Variants in FMN2 observed in about 807,000 individuals in gnomAD.
FMN2 encodes the protein formin-2.
Under a neutral mutation model 142.3 loss-of-function variants are expected in FMN2, and 51 were observed. The ratio of observed to expected loss-of-function variants is 0.36; its 90% CI spans 0.29 to 0.45. The LOEUF is 0.45. FMN2 is among the 20% of genes least tolerant of loss of function. The pLI, the probability that FMN2 is intolerant of heterozygous loss-of-function variation, is 1.00. For missense variants in FMN2, 1,936 were observed against 2,122.8 expected (o/e 0.91, Z 1.73); for synonymous variants, 882 against 869.8 (o/e 1.01, Z -0.25).
chr1:240,123,516 A>AG (rs200276552), intron 2 of FMN2, among the ~76,000 whole-genome samples, 171 bp downstream of exon 2: 2,148 of 151,468 alleles, frequency 0.014, 61 homozygotes, highest in African/African-American at 0.049. Flanking sequence ...AAAAAAAAAA[A>AG]AAAAAAGAAA....
intron 2 of FMN2, chr1:240,143,801 G>T (rs1357692733): frequency 4.0e-6 from 6 of 1,517,628 alleles, no homozygotes; most frequent in Middle Eastern, 1.7e-4. Context: ...GGACCCCACT[G>T]CTATCATTCC....
intron 14 of FMN2, among the ~76,000 whole-genome samples, chr1:240,370,991 T>C (rs1672846866): frequency 6.6e-6 from 1 of 152,234 alleles, no homozygotes; most frequent in Admixed American, 6.5e-5. Context: ...CAGGCTGGAA[T>C]ACAGTGGCGG....
chr1:240,153,035 A>G (rs1344923524), intron 2 of FMN2, among the ~76,000 whole-genome samples: 1 of 152,204 alleles, frequency 6.6e-6, no homozygotes, highest in Non-Finnish European at 1.5e-5. Context: ...ATAAAATATC[A>G]GGCACTTATG....
intron 8 of FMN2, among the ~76,000 whole-genome samples, chr1:240,316,240 CA>C (rs1670776038): frequency 1.3e-5 from 2 of 151,988 alleles, no homozygotes; most frequent in East Asian, 3.9e-4. Flanking sequence ...GCTGAAAAGG[CA>C]ACAAGGACTT....
At chr1:240,120,234 C>A (rs954564222) in intron 1 of FMN2, among the ~76,000 whole-genome samples, 1 of 152,184 alleles carries the variant, frequency 6.6e-6, no homozygotes, top group Non-Finnish European at 1.5e-5. Context: ...AACATTTAGA[C>A]ATTTGAAATG....
intron 15 of FMN2, among the ~76,000 whole-genome samples, chr1:240,400,067 G>A (rs12562683): frequency 0.18 from 27,791 of 152,070 alleles, 3,836 homozygotes; most frequent in African/African-American, 0.39. Flanking sequence ...GAGGGCGTTC[G>A]CAGCTCCATG....
chr1:240,274,088 A>G (rs987036500), intron 7 of FMN2, among the ~76,000 whole-genome samples: 5 of 152,226 alleles, frequency 3.3e-5, no homozygotes, highest in Admixed American at 2.0e-4. Flanking sequence ...TTCACTCAAC[A>G]TTAACTGTTT....
At chr1:240,185,412 T>C (rs1007975946) in intron 3 of FMN2, among the ~76,000 whole-genome samples, 3 of 152,224 alleles carry the variant, frequency 2.0e-5, no homozygotes, top group African/African-American at 7.2e-5. Context: ...CAAATTTCTC[T>C]TCTGTGTTTT....
intron 15 of FMN2, among the ~76,000 whole-genome samples, chr1:240,419,454 G>C (rs977670069): frequency 1.3e-5 from 2 of 152,036 alleles, no homozygotes; most frequent in African/African-American, 4.8e-5. Flanking sequence ...AAACACCTGA[G>C]GGCATCAATC....
In FMN2 at chr1:240,469,237, C is replaced by A. The variant is rs552351436; in HGVS notation, c.5061-3135C>A. 2.0e-5 allele frequency among the ~76,000 whole-genome samples: 3 copies of A among 152,190 alleles called. No individual in the cohort carries two copies. In the East Asian group the frequency reaches 5.8e-4, roughly 29 times the overall value. ...CACCAGATTCTGCCAGATGCTACTT[C>A]TGAAAGCATCCTAGAGTGACTAAAT... On this transcript the variant is annotated intron_variant, in intron 16 of 17. Transcript: ENST00000319653.
chr1:240,143,094 C>A, intron 2 of FMN2: 1 of 1,530,432 alleles, frequency 6.5e-7, no homozygotes. Context: ...ATGTGTCAGG[C>A]CCTGTGCCAA....
At position 240,232,958 on chromosome 1, in the gene FMN2, C is replaced by T. The variant is rs535555461; in HGVS notation, c.4065+21723C>T. On this transcript the variant is annotated intron_variant, in intron 6 of 17. Transcript: ENST00000319653. ...ATTTTATCTTTTCTGTGTGTTTACT[C>T]ACATCAACATCGTAGTTTTAAAATG... 9.2e-5 allele frequency among the ~76,000 whole-genome samples: 14 copies of T among 152,322 alleles called. No individual in the cohort carries two copies. In the South Asian group the frequency reaches 2.9e-3, roughly 32 times the overall value.
intron 13 of FMN2, among the ~76,000 whole-genome samples, chr1:240,353,311 T>C (rs1298517463): frequency 1.3e-5 from 2 of 152,208 alleles, no homozygotes; most frequent in Admixed American, 1.3e-4. Flanking sequence ...GTTAGAGAAT[T>C]CATTAAACTC....
intron 2 of FMN2, among the ~76,000 whole-genome samples, chr1:240,135,070 G>C (rs183936397): frequency 6.6e-6 from 1 of 152,300 alleles, no homozygotes; most frequent in Non-Finnish European, 1.5e-5. Flanking sequence ...CTCTCTGTGT[G>C]TATGTGTGCA....
chr1:240,388,392 T>C lies in FMN2; in HGVS notation c.4859-4119T>C, dbSNP rs531742454. 7.9e-5 allele frequency among the ~76,000 whole-genome samples: 12 copies of C among 152,212 alleles called. No homozygotes were observed. In the South Asian group the frequency reaches 2.3e-3, roughly 29 times the overall value. ...GGCTGCATTACAATTCAAACCCAGGTTTGCCTGACTAAAGCTCATGTTCTA... is the reference window on the plus strand; with the variant it reads ...GGCTGCATTACAATTCAAACCCAGGCTTGCCTGACTAAAGCTCATGTTCTA... On this transcript the variant is annotated intron_variant, in intron 14 of 17. Transcript: ENST00000319653.
At chr1:240,264,539 A>G (rs971945265) in intron 7 of FMN2, among the ~76,000 whole-genome samples, 11 of 150,948 alleles carry the variant, frequency 7.3e-5, no homozygotes, top group African/African-American at 2.7e-4. Context: ...TTTGCCCCCT[A>G]CCCCCTGACA....
chr1:240,344,827 T>C (rs1483680563), intron 13 of FMN2, among the ~76,000 whole-genome samples: 1 of 152,260 alleles, frequency 6.6e-6, no homozygotes, highest in East Asian at 1.9e-4. Context: ...TTTTATTTTA[T>C]AAATTATCTG....
At chr1:240,429,108 A>G (rs1675052722) in intron 15 of FMN2, among the ~76,000 whole-genome samples, 1 of 152,184 alleles carries the variant, frequency 6.6e-6, no homozygotes, top group Non-Finnish European at 1.5e-5. Context: ...GTGTGAGATG[A>G]TCATTTTAAA....
intron 2 of FMN2, among the ~76,000 whole-genome samples, chr1:240,124,917 C>G (rs1483069270): frequency 6.6e-6 from 1 of 152,148 alleles, no homozygotes; most frequent in Non-Finnish European, 1.5e-5. Context: ...CCACCCGCCC[C>G]GGCCTCCCAA....
Sources: allele counts gnomAD v4.1 joint callset (sites outside exome capture counted in the v4.1 genomes callset), GRCh38; gene constraint gnomAD v4.1.1; transcripts MANE v1.5; gene names NCBI Gene and HGNC (gene_info 2026-07-23, HGNC 2026-07-21).